The following MDGA2 variants were observed in gnomAD, a reference collection of about 807,000 sequenced individuals.
The protein encoded by MDGA2 is MAM domain-containing glycosylphosphatidylinositol anchor protein 2.
MDGA2 carries 40 observed loss-of-function variants against 117.8 expected under a neutral mutation model. The ratio of observed to expected loss-of-function variants is 0.34; its 90% CI spans 0.26 to 0.44. MDGA2 has a LOEUF of 0.44. MDGA2 is among the 20% of genes least tolerant of loss of function. MDGA2 has a pLI of 1.00. For synonymous variants in MDGA2, 452 were observed against 439.0 expected, an observed-to-expected ratio of 1.03 and a Z score of -0.37; for missense variants, 1,123 against 1,250.6, an observed-to-expected ratio of 0.90 and a Z score of 1.54.
At chr14:47,270,106 T>G (rs1175250233) in intron 2 of MDGA2, among the ~76,000 whole-genome samples, 1 of 152,218 alleles carries the variant, frequency 6.6e-6, no homozygotes, top group Non-Finnish European at 1.5e-5. Flanking sequence ...AGTGCATAAC[T>G]ATCTACTTAA....
chr14:47,572,538 G>T (rs1290438686), intron 1 of MDGA2, among the ~76,000 whole-genome samples: 1 of 152,134 alleles, frequency 6.6e-6, no homozygotes, highest in Admixed American at 6.5e-5. Context: ...TGAATTGGTG[G>T]TATCCCCTAG....
rs139877161 is a variant in MDGA2, at chr14:46,990,407, A to G, written c.1820-32764T>C. 9.8e-3 allele frequency among the ~76,000 whole-genome samples: 1,497 copies of G among 152,176 alleles called. 21 individuals are homozygous for G. Among genetic ancestry groups the G allele is most frequent in the African/African-American group, 0.034 (1,417 of 41,550 alleles). ...TGAAAACTAAAATCTTCATAGTAAA[A>G]TTTGTTTAAAAATTCTGCTACAGTT... On this transcript the variant is annotated intron_variant, in intron 8 of 16. Coordinates refer to ENST00000399232, the MANE Select transcript of MDGA2 (RefSeq NM_001113498.3).
At chr14:47,113,490 G>A (rs2139066638) in intron 5 of MDGA2, among the ~76,000 whole-genome samples, 1 of 152,242 alleles carries the variant, frequency 6.6e-6, no homozygotes, top group East Asian at 1.9e-4. Flanking sequence ...TATCTCTGAT[G>A]AACATCCATG....
chr14:47,398,581 C>T (rs1566768821), intron 1 of MDGA2, among the ~76,000 whole-genome samples: 1 of 152,100 alleles, frequency 6.6e-6, no homozygotes, highest in Non-Finnish European at 1.5e-5. Context: ...TTTCCAGCTA[C>T]ATATGAGAAA....
Position 47,374,124 on chromosome 14 carries a change from T to G in MDGA2, c.281-72574A>C, listed in dbSNP as rs546680351. On this transcript the variant is annotated intron_variant, in intron 1 of 16. Transcript: ENST00000399232. The stretch of plus-strand genomic sequence containing the variant: ...TAATATGCCATATTTTTCTTGAAAA[T>G]AGGTGTCAATAATAGGAACATCATC... Among the ~76,000 whole-genome samples, 55 of 152,232 alleles carry G rather than the reference T, an allele frequency of 3.6e-4. No individual in the cohort carries two copies. The South Asian group carries it at 6.4e-3, about 18-fold the overall frequency.
In MDGA2 at chr14:47,035,097, A is replaced by G; in HGVS notation, c.1733T>C (p.Met578Thr). The change falls in exon 8 of 17, where the codon ATG (methionine) becomes ACG (threonine). Residue 578 changes from methionine to threonine, a missense_variant. Around this residue, in one of 2 missense-constraint regions of MDGA2, gnomAD observed 890 missense variants for 1,050.3 expected, o/e 0.85. Coordinates refer to ENST00000399232, the MANE Select transcript of MDGA2 (RefSeq NM_001113498.3). The part of the protein sequence containing the change: ...TLRIVNVSRE[M>T]SGMYRCQTSQ... The stretch of plus-strand genomic sequence containing the variant: ...GGTCTGACATCTGTACATTCCTGAC[A>G]TTTCCCTAGATACATTCACAATCCT... 1 of 1,614,056 alleles carries G rather than the reference A, an allele frequency of 6.2e-7. No homozygotes were observed. Among genetic ancestry groups the G allele is most frequent in the Non-Finnish European group, 8.5e-7 (1 of 1,180,006 alleles).
At position 47,523,330 on chromosome 14, in the gene MDGA2, CAA is replaced by C. The variant is rs1360512379; in HGVS notation, c.280+151185_280+151186del. On this transcript the variant is annotated intron_variant, in intron 1 of 16. Coordinates refer to ENST00000399232, the MANE Select transcript of MDGA2 (RefSeq NM_001113498.3). Reference sequence around the variant, plus strand: ...CTGGATATACATTAGAAGTTCAACACAAAAAGTAGAGGTTAAATACAATTTAA... The same window carrying C: ...CTGGATATACATTAGAAGTTCAACACAAAGTAGAGGTTAAATACAATTTAA... Among the ~76,000 whole-genome samples, 6 of 152,060 alleles carry C rather than the reference CAA, an allele frequency of 3.9e-5. No homozygotes were observed. In the South Asian group the frequency reaches 1.2e-3, roughly 32 times the overall value.
chr14:47,335,734 T>TTATATATATATATA lies in MDGA2; in HGVS notation c.281-34198_281-34185dup, dbSNP rs1555374514. ...ACACATACACATGCACACATATATT[T>TTATATATATATATA]TATATATATATATACATACATACAT... On this transcript the variant is annotated intron_variant, in intron 1 of 16. Transcript: ENST00000399232. Among the ~76,000 whole-genome samples, 42 of 47,954 alleles carry TTATATATATATATA rather than the reference T, an allele frequency of 8.8e-4. 1 individual carries two copies. Among genetic ancestry groups the TTATATATATATATA allele is most frequent in the East Asian group, 2.4e-3 (1 of 416 alleles). 31.5% of individuals were successfully genotyped at this position (47,954 alleles called of 152,430 possible).
intron 1 of MDGA2, among the ~76,000 whole-genome samples, chr14:47,405,593 T>C (rs892073774): frequency 6.6e-6 from 1 of 152,172 alleles, no homozygotes; most frequent in East Asian, 1.9e-4. Context: ...ACTTTGAAGG[T>C]GCAATACTTT....
intron 1 of MDGA2, among the ~76,000 whole-genome samples, chr14:47,617,300 G>A (rs1461822723): frequency 2.0e-5 from 3 of 151,798 alleles, no homozygotes; most frequent in Non-Finnish European, 4.4e-5. Flanking sequence ...CTGCCTCCCA[G>A]GTTCAAGCGA....
chr14:47,464,571 C>T (rs923550747), intron 1 of MDGA2, among the ~76,000 whole-genome samples: 1 of 151,964 alleles, frequency 6.6e-6, no homozygotes, highest in Admixed American at 6.6e-5. Flanking sequence ...TAAAGGCAAT[C>T]CCATTCATAA....
At chr14:47,029,227 A>C (rs1888576517) in intron 8 of MDGA2, among the ~76,000 whole-genome samples, 1 of 152,114 alleles carries the variant, frequency 6.6e-6, no homozygotes, top group East Asian at 1.9e-4. Flanking sequence ...TCTTCATTAG[A>C]TTTCTTGAGA....
intron 10 of MDGA2, among the ~76,000 whole-genome samples, chr14:46,899,808 G>T (rs542789304): frequency 6.6e-6 from 1 of 152,126 alleles, no homozygotes; most frequent in Middle Eastern, 3.4e-3. Context: ...CAACAGATAG[G>T]CTGAATTGCA....
chr14:47,183,461 T>G (rs1331465464), intron 3 of MDGA2, among the ~76,000 whole-genome samples: 2 of 152,128 alleles, frequency 1.3e-5, no homozygotes, highest in African/African-American at 4.8e-5. Flanking sequence ...TGTTCATATG[T>G]TTTAATGAGG....
chr14:47,493,462 G>A (rs1048531550), intron 1 of MDGA2, among the ~76,000 whole-genome samples: 6 of 151,526 alleles, frequency 4.0e-5, no homozygotes, highest in South Asian at 2.1e-4. Context: ...TTACAGGTGC[G>A]CACCACTACT....
At chr14:47,124,408 C>T (rs1020330299) in intron 5 of MDGA2, among the ~76,000 whole-genome samples, 7 of 152,048 alleles carry the variant, frequency 4.6e-5, no homozygotes, top group African/African-American at 1.7e-4. Flanking sequence ...AATACAAGGC[C>T]ATAAATGTTC....
intron 1 of MDGA2, among the ~76,000 whole-genome samples, chr14:47,628,352 A>T (rs577539680): frequency 3.0e-4 from 46 of 152,318 alleles, no homozygotes; most frequent in African/African-American, 1.1e-3. Flanking sequence ...AAGTTCCATG[A>T]GGTCTGAGAA....
intron 3 of MDGA2, among the ~76,000 whole-genome samples, chr14:47,180,276 G>T (rs1189055886): frequency 1.3e-5 from 2 of 152,040 alleles, no homozygotes; most frequent in Non-Finnish European, 2.9e-5. Context: ...TAAGTAAAAG[G>T]AGATAGGCAC....
intron 1 of MDGA2, among the ~76,000 whole-genome samples, chr14:47,395,981 G>A (rs1891999585): frequency 6.6e-6 from 1 of 152,074 alleles, no homozygotes; most frequent in African/African-American, 2.4e-5. Context: ...GTAAACCCAG[G>A]TCTTCATATT....
Sources: allele counts gnomAD v4.1 joint callset (sites outside exome capture counted in the v4.1 genomes callset), GRCh38; gene constraint gnomAD v4.1.1; regional missense constraint gnomAD v4.1.1; transcripts MANE v1.5; gene names NCBI Gene and HGNC (gene_info 2026-07-23, HGNC 2026-07-21).